Variants in SYTL3 observed in about 807,000 individuals in gnomAD.
SYTL3 encodes the protein synaptotagmin like 3, also known as synaptotagmin-like protein 3.
SYTL3 carries 88 observed loss-of-function variants against 82.1 expected under a neutral mutation model. The ratio of observed to expected loss-of-function variants is 1.07; its 90% CI spans 0.90 to 1.28. The LOEUF (loss-of-function observed/expected upper bound fraction) is 1.28. Ranked by LOEUF, SYTL3 falls within the 50% of genes most tolerant of loss-of-function variation. The pLI is 0.00. For missense variants in SYTL3, 831 were observed against 757.6 expected, an observed-to-expected ratio of 1.10 and a Z score of -1.14; for synonymous variants, 311 against 289.4, an observed-to-expected ratio of 1.07 and a Z score of -0.76.
chr6:158,665,337 A>G (rs962538518), intron 4 of SYTL3, 58 bp from the exon 5 acceptor site: 16 of 1,511,608 alleles, frequency 1.1e-5, no homozygotes, highest in African/African-American at 8.3e-5. Flanking sequence ...CTCTTGCCCT[A>G]TAGCCTGGGG....
chr6:158,685,317 G>C (rs2128411484), intron 6 of SYTL3, among the ~76,000 whole-genome samples: 1 of 151,452 alleles, frequency 6.6e-6, no homozygotes, highest in East Asian at 2.0e-4. Flanking sequence ...GGGTTCAAGG[G>C]ATTCTCCTGC....
intron 11 of SYTL3, among the ~76,000 whole-genome samples, chr6:158,736,394 T>C (rs1394186850): frequency 6.6e-6 from 1 of 151,338 alleles, no homozygotes; most frequent in African/African-American, 2.4e-5. Flanking sequence ...CAAGAGAAAG[T>C]TAAATTATGG....
intron 15 of SYTL3, 122 bp downstream of exon 15, chr6:158,760,867 C>T: frequency 1.4e-6 from 1 of 726,456 alleles, no homozygotes; most frequent in Non-Finnish European, 2.4e-6. Context: ...CCGTGCCCAG[C>T]TCCAGCAGCT....
rs184385582 is a variant in SYTL3 at position 158,684,822 on chromosome 6, A to C, written c.394+1833A>C. 2.8e-4 allele frequency among the ~76,000 whole-genome samples: 42 copies of C among 152,008 alleles called. No individual in the cohort carries two copies. In the East Asian group the frequency reaches 5.6e-3, roughly 20 times the overall value. On this transcript the variant is annotated intron_variant, in intron 6 of 17. Transcript: ENST00000611299. ...TCCTGGCTCTTCTTAAAAAAAAAAA[A>C]AAAAACGCTGCTTCTGCCAAGTTTA...
At chr6:158,724,747 G>C (rs1239436037) in intron 10 of SYTL3, among the ~76,000 whole-genome samples, 3 of 152,232 alleles carry the variant, frequency 2.0e-5, no homozygotes, top group Non-Finnish European at 4.4e-5. Context: ...GTGTGTGGTG[G>C]CTCACGCCTG....
rs760297185 is a variant in SYTL3 at position 158,760,680 on chromosome 6, A to G, written c.1349A>G (p.Glu450Gly). 1.9e-6 allele frequency: 3 copies of G among 1,613,938 alleles called. No homozygotes were observed. The highest frequency in any genetic ancestry group is 1.1e-5 in the South Asian group (1 of 91,084). The change falls in exon 15 of 18, where the codon GAG (glutamate) becomes GGG (glycine). Residue 450 changes from glutamate (E) to glycine (G), a missense_variant. Physicochemically the swap from Glu to Gly is moderately conservative, Grantham distance 98. Coordinates refer to ENST00000611299, the MANE Select transcript of SYTL3 (RefSeq NM_001242394.2). ...YEDSVPQSNG[E>G]LTVRAKLVLP... The stretch of plus-strand genomic sequence containing the variant: ...GACAGCGTTCCTCAGAGTAATGGAG[A>G]GCTCACAGTCCGGGCTAAGCTGGTT...
At chr6:158,715,608 C>T (rs1006831388) in intron 9 of SYTL3, among the ~76,000 whole-genome samples, 2 of 142,696 alleles carry the variant, frequency 1.4e-5, no homozygotes, top group East Asian at 3.9e-4. Context: ...ATCACACACA[C>T]ACACACACGC....
intron 6 of SYTL3, among the ~76,000 whole-genome samples, chr6:158,695,784 C>G (rs1377003362): frequency 6.6e-6 from 1 of 152,136 alleles, no homozygotes; most frequent in Non-Finnish European, 1.5e-5. Flanking sequence ...TGTATTTGTT[C>G]TTTTGTATCT....
At chr6:158,736,011 C>T (rs1786100547) in intron 11 of SYTL3, among the ~76,000 whole-genome samples, 1 of 152,194 alleles carries the variant, frequency 6.6e-6, no homozygotes, top group South Asian at 2.1e-4. Context: ...AATGTGCATA[C>T]ATAGATGTCC....
intron 16 of SYTL3, 52 bp from the exon 17 acceptor site, chr6:158,763,252 A>C: frequency 1.9e-6 from 3 of 1,556,528 alleles, no homozygotes; most frequent in Non-Finnish European, 2.7e-6. Flanking sequence ...AGGCCTCAGG[A>C]GAGAAGGCCG....
intron 12 of SYTL3, among the ~76,000 whole-genome samples, chr6:158,746,697 C>T (rs1042560795): frequency 6.6e-6 from 1 of 151,746 alleles, no homozygotes; most frequent in African/African-American, 2.4e-5. Context: ...AATTCCTGAC[C>T]TCGTGATCCA....
At chr6:158,764,359 G>GGCA in intron 17 of SYTL3, 136 bp from the exon 18 acceptor site, 1 of 630,248 alleles carries the variant, frequency 1.6e-6, no homozygotes. Context: ...TGGTGGCGGC[G>GGCA]TCTGTCATCA....
chr6:158,671,217 ATTC>A (rs1187620580), intron 5 of SYTL3, among the ~76,000 whole-genome samples: 3 of 152,296 alleles, frequency 2.0e-5, no homozygotes, highest in Middle Eastern at 6.8e-3. Flanking sequence ...TGTGTGTGTC[ATTC>A]TTCTTGTTGA....
Position 158,715,461 on chromosome 6 carries a change from C to T in SYTL3, c.595+1583C>T, listed in dbSNP as rs182278005. ...AGCCTGGCCTGTGTACCTGCTCACA[C>T]ACTTGAGCACTTGAGGCTAACCAGT... On this transcript the variant is annotated intron_variant, in intron 9 of 17. Coordinates refer to ENST00000611299, the MANE Select transcript of SYTL3 (RefSeq NM_001242394.2). 8.5e-4 allele frequency among the ~76,000 whole-genome samples: 130 copies of T among 152,258 alleles called. 1 individual carries two copies. Among genetic ancestry groups the T allele is most frequent in the African/African-American group, 3.1e-3 (129 of 41,552 alleles).
chr6:158,749,551 A>G (rs3102988), intron 12 of SYTL3, among the ~76,000 whole-genome samples: 3 of 110,836 alleles, frequency 2.7e-5, no homozygotes, highest in Admixed American at 1.2e-4. Context: ...AGGTCTCACT[A>G]TGTTGCCCAG....
At chr6:158,758,874 C>T (rs1316992657) in intron 14 of SYTL3, among the ~76,000 whole-genome samples, 7 of 152,210 alleles carry the variant, frequency 4.6e-5, no homozygotes, top group Admixed American at 2.6e-4. Context: ...CCTGCCATCT[C>T]GGCCTGATCT....
At chr6:158,661,635 A>G (rs1173211563) in intron 3 of SYTL3, among the ~76,000 whole-genome samples, 1 of 152,264 alleles carries the variant, frequency 6.6e-6, no homozygotes, top group African/African-American at 2.4e-5. Flanking sequence ...CTGTAGGCCC[A>G]TGAACTTGGA....
chr6:158,750,165 C>A (rs1788215216), intron 12 of SYTL3, among the ~76,000 whole-genome samples: 1 of 151,942 alleles, frequency 6.6e-6, no homozygotes, highest in Non-Finnish European at 1.5e-5. Flanking sequence ...CAGAATGATC[C>A]CATTTATATA....
At chr6:158,723,577 G>A (rs1371007494) in intron 10 of SYTL3, among the ~76,000 whole-genome samples, 5 of 152,096 alleles carry the variant, frequency 3.3e-5, no homozygotes, top group African/African-American at 1.2e-4. Flanking sequence ...GCCGTTTTAA[G>A]TGTATAGTTC....
Sources: allele counts gnomAD v4.1 joint callset (sites outside exome capture counted in the v4.1 genomes callset), GRCh38; gene constraint gnomAD v4.1.1; transcripts MANE v1.5; gene names NCBI Gene and HGNC (gene_info 2026-07-23, HGNC 2026-07-21).